The following MRPL1 variants were observed in gnomAD, a reference collection of about 807,000 sequenced individuals.
MRPL1 encodes mitochondrial ribosomal protein L1.
In MRPL1, 28 loss-of-function variants were observed where a neutral mutation model predicts 38.0. That is an observed-to-expected ratio of 0.74 (90% CI 0.55 to 1.01). The LOEUF (loss-of-function observed/expected upper bound fraction) is 1.01. Among genes scored for constraint, MRPL1 ranks in the 50% least tolerant of loss-of-function variants. MRPL1 has a pLI of 0.00. For synonymous variants in MRPL1, 123 were observed against 126.7 expected (o/e 0.97, Z 0.20); for missense variants, 358 against 389.8 (o/e 0.92, Z 0.69).
chr4:77,882,232 T>C (rs1393076262), intron 2 of MRPL1, among the ~76,000 whole-genome samples: 1 of 152,222 alleles, frequency 6.6e-6, no homozygotes, highest in East Asian at 1.9e-4. Context: ...GCTTCCTTCT[T>C]ATACCATTTT....
intron 5 of MRPL1, among the ~76,000 whole-genome samples, chr4:77,891,620 T>C (rs558102631): frequency 2.4e-4 from 36 of 152,320 alleles, no homozygotes; most frequent in African/African-American, 8.4e-4. Context: ...CCTCCCAAAA[T>C]GTTGGGATTA....
At chr4:77,951,827 G>T (rs1335443517) in intron 8 of MRPL1, among the ~76,000 whole-genome samples, 1 of 152,128 alleles carries the variant, frequency 6.6e-6, no homozygotes, top group East Asian at 1.9e-4. Context: ...GTGTACGTGT[G>T]CCCTGCAATG....
At position 77,929,019 on chromosome 4, in the gene MRPL1, CAT is replaced by C. The variant is rs1736785009; in HGVS notation, c.777+19648_777+19649del. ...AGTGATCATAGATAATAGAATGACA[CAT>C]GATGAAAAATATAAATGTTGCATAA... On this transcript the variant is annotated intron_variant, in intron 7 of 8. Coordinates refer to ENST00000315567, the MANE Select transcript of MRPL1 (RefSeq NM_020236.4). Among the ~76,000 whole-genome samples, 4 of 152,256 alleles carry C rather than the reference CAT, an allele frequency of 2.6e-5. No individual in the cohort carries two copies. The South Asian group carries it at 8.3e-4, about 32-fold the overall frequency.
In MRPL1 at chr4:77,933,559, G is replaced by A. The variant is rs867204358; in HGVS notation, c.778-16238G>A. Among the ~76,000 whole-genome samples the A allele has an allele frequency of 6.6e-5, 10 of 152,222 alleles. No individual in the cohort carries two copies. The Middle Eastern group carries it at 0.014, about 209-fold the overall frequency. On this transcript the variant is annotated intron_variant, in intron 7 of 8. Transcript: ENST00000315567. ...ACAGAAGAGAGTCAGGGAACTCTAA[G>A]ATCATAGAAATTTTCCAATCTGAAA...
intron 7 of MRPL1, among the ~76,000 whole-genome samples, chr4:77,939,642 G>T (rs992933838): frequency 2.6e-5 from 4 of 152,044 alleles, no homozygotes; most frequent in African/African-American, 9.7e-5. Flanking sequence ...GGGTTTTTCC[G>T]ATGTTATCTT....
intron 6 of MRPL1, among the ~76,000 whole-genome samples, chr4:77,900,054 A>G (rs895901192): frequency 2.0e-5 from 3 of 152,156 alleles, no homozygotes; most frequent in Admixed American, 1.3e-4. Context: ...CATCCATCCC[A>G]TACTGTTTTT....
At chr4:77,867,900 G>A (rs1223547516) in intron 1 of MRPL1, among the ~76,000 whole-genome samples, 1 of 151,650 alleles carries the variant, frequency 6.6e-6, no homozygotes, top group Admixed American at 6.6e-5. Flanking sequence ...GAGACTATAG[G>A]CGCCCGCCAC....
intron 1 of MRPL1, chr4:77,864,771 A>G (rs909830147): frequency 6.6e-6 from 1 of 152,108 alleles, no homozygotes; most frequent in East Asian, 1.9e-4. Context: ...AAGGCCCCAC[A>G]TCGGAGGTTC....
At chr4:77,925,130 A>T (rs1481283826) in intron 7 of MRPL1, among the ~76,000 whole-genome samples, 1 of 152,192 alleles carries the variant, frequency 6.6e-6, no homozygotes, top group African/African-American at 2.4e-5. Context: ...TGAATTTTCT[A>T]AACCACTTGA....
chr4:77,872,547 C>T (rs1578037471), intron 2 of MRPL1, among the ~76,000 whole-genome samples: 1 of 152,086 alleles, frequency 6.6e-6, no homozygotes, highest in African/African-American at 2.4e-5. Flanking sequence ...GCCTAGCCAA[C>T]GTGGTGAAAC....
intron 6 of MRPL1, 82 bp downstream of exon 6, chr4:77,894,332 G>A: frequency 2.4e-6 from 2 of 832,378 alleles, no homozygotes; most frequent in South Asian, 3.2e-5. Context: ...AGTTGTTCAT[G>A]TATGCGTAGA....
chr4:77,945,469 C>G (rs552487675), intron 7 of MRPL1, among the ~76,000 whole-genome samples: 1 of 151,688 alleles, frequency 6.6e-6, no homozygotes, highest in South Asian at 2.1e-4. Flanking sequence ...TTAGAAGGAA[C>G]ATGTGATTGT....
At chr4:77,930,872 C>T (rs545913515) in intron 7 of MRPL1, among the ~76,000 whole-genome samples, 1 of 152,314 alleles carries the variant, frequency 6.6e-6, no homozygotes, top group South Asian at 2.1e-4. Context: ...GGTAAGCCCA[C>T]AGGCTAACCC....
At chr4:77,933,569 A>G (rs899818951) in intron 7 of MRPL1, among the ~76,000 whole-genome samples, 2 of 152,156 alleles carry the variant, frequency 1.3e-5, no homozygotes, top group Non-Finnish European at 2.9e-5. Context: ...GATCATAGAA[A>G]TTTTCCAATC....
intron 1 of MRPL1, among the ~76,000 whole-genome samples, chr4:77,870,197 A>AT (rs1735247610): frequency 6.6e-6 from 1 of 152,122 alleles, no homozygotes; most frequent in South Asian, 2.1e-4. Context: ...ACTGGCCTTG[A>AT]TTTTTTAAAA....
chr4:77,910,945 T>C (rs1736273670), intron 7 of MRPL1, among the ~76,000 whole-genome samples: 1 of 152,166 alleles, frequency 6.6e-6, no homozygotes, highest in South Asian at 2.1e-4. Flanking sequence ...GTTGACAACA[T>C]TGTAATTGAA....
chr4:77,907,178 A>G (rs1288918475), intron 6 of MRPL1: 1 of 982,716 alleles, frequency 1.0e-6, no homozygotes, highest in Admixed American at 6.2e-5. Context: ...TAAATAATTC[A>G]CATTTTTCAG....
intron 7 of MRPL1, among the ~76,000 whole-genome samples, chr4:77,920,790 T>C (rs1396584846): frequency 6.6e-6 from 1 of 152,124 alleles, no homozygotes; most frequent in Non-Finnish European, 1.5e-5. Flanking sequence ...CAGTGTCTTA[T>C]TTACTCTGTC....
At chr4:77,874,943 G>A (rs905667031) in intron 2 of MRPL1, among the ~76,000 whole-genome samples, 91 of 151,558 alleles carry the variant, frequency 6.0e-4, no homozygotes, top group African/African-American at 2.1e-3. Flanking sequence ...CACAACGCCC[G>A]GCTAATTTTT....
Sources: gnomAD v4.1 joint callset for allele counts (sites outside exome capture counted in the v4.1 genomes callset) on GRCh38, gnomAD v4.1.1 for gene constraint, MANE v1.5 for transcripts, NCBI Gene and HGNC (gene_info 2026-07-23, HGNC 2026-07-21) for gene names.